The following ANXA8 variants were observed in gnomAD, a reference collection of about 807,000 sequenced individuals.
ANXA8 encodes the protein annexin A8.
Under a neutral mutation model 26.8 loss-of-function variants are expected in ANXA8, and 9 were observed. The observed-to-expected ratio is 0.34, with a 90% confidence interval of 0.20 to 0.59. The LOEUF (loss-of-function observed/expected upper bound fraction) is 0.59, where lower values mean the gene tolerates loss of function less well. Among genes scored for constraint, ANXA8 ranks in the 20% least tolerant of loss-of-function variants. The pLI, the probability that ANXA8 is intolerant of heterozygous loss-of-function variation, is 0.84. For missense variants in ANXA8, 83 were observed against 238.5 expected (o/e 0.35, Z 4.29); for synonymous variants, 39 against 94.8 (o/e 0.41, Z 3.42).
the ANXA8 span, among the ~76,000 whole-genome samples, chr10:47,738,491 T>C: frequency 6.7e-6 from 1 of 149,800 alleles, no homozygotes; most frequent in East Asian, 2.0e-4. Context: ...AAGAAGAGCA[T>C]GCTTTTTCAA....
the ANXA8 span, among the ~76,000 whole-genome samples, chr10:47,693,939 A>G: frequency 6.6e-6 from 1 of 151,900 alleles, no homozygotes; most frequent in Non-Finnish European, 1.5e-5. Context: ...TTGGAGTGTT[A>G]ACAAAATTAA....
chr10:47,529,051 C>T, the ANXA8 span, among the ~76,000 whole-genome samples: 1 of 144,246 alleles, frequency 6.9e-6, no homozygotes. Flanking sequence ...AAATAGTGCC[C>T]GTATTTCTGT....
the ANXA8 span, among the ~76,000 whole-genome samples, chr10:47,676,434 G>A: frequency 6.6e-6 from 1 of 151,832 alleles, no homozygotes; most frequent in Non-Finnish European, 1.5e-5. Flanking sequence ...GAAGATGGAA[G>A]AGATCTTACA....
At chr10:47,720,351 A>T in the ANXA8 span, among the ~76,000 whole-genome samples, 249 of 145,214 alleles carry the variant, frequency 1.7e-3, 22 homozygotes, top group African/African-American at 6.2e-3. Flanking sequence ...CCAAAATCTA[A>T]ATGCTCATAA....
rs1316727490 is a variant in ANXA8, at chr10:47,468,956, C to T, written c.925-50G>A. 153 of 1,599,518 alleles carry T rather than the reference C, an allele frequency of 9.6e-5. 1 individual carries two copies. The highest frequency in any genetic ancestry group is 7.2e-5 in the Non-Finnish European group (84 of 1,174,188). The stretch of plus-strand genomic sequence containing the variant: ...TGAGAAGGGGTTTGCTTGTGCCTGG[C>T]TCGGCAGTGGCGGCTGTGTTATTAT... On this transcript the variant is annotated intron_variant, in intron 11 of 11. Coordinates refer to ENST00000585281, the MANE Select transcript of ANXA8 (RefSeq NM_001040084.3).
chr10:47,558,403 AG>A, the ANXA8 span, among the ~76,000 whole-genome samples: 1 of 151,826 alleles, frequency 6.6e-6, no homozygotes, highest in African/African-American at 2.4e-5. Flanking sequence ...TATCTAGCTT[AG>A]CCAGCCGTGG....
At chr10:47,726,975 A>G in the ANXA8 span, 1 of 1,511,628 alleles carries the variant, frequency 6.6e-7, no homozygotes, top group Non-Finnish European at 9.2e-7. Context: ...TCAGTGTGCC[A>G]TCAAGAAGTT....
the ANXA8 span, among the ~76,000 whole-genome samples, chr10:47,705,741 GT>G: frequency 6.6e-6 from 1 of 151,968 alleles, no homozygotes; most frequent in African/African-American, 2.4e-5. Context: ...ATATTCTAAA[GT>G]TTTTTATTGA....
chr10:47,556,117 G>A, the ANXA8 span, among the ~76,000 whole-genome samples: 1 of 151,848 alleles, frequency 6.6e-6, no homozygotes, highest in African/African-American at 2.4e-5. Context: ...GGGTTATTAA[G>A]AAAAAGGATT....
chr10:47,726,622 T>C, the ANXA8 span, among the ~76,000 whole-genome samples: 33 of 152,264 alleles, frequency 2.2e-4, no homozygotes, highest in Non-Finnish European at 4.0e-4. Context: ...TAAAAATGGA[T>C]ATAGAATAAA....
chr10:47,492,382 C>G, the ANXA8 span, among the ~76,000 whole-genome samples: 1 of 147,522 alleles, frequency 6.8e-6, no homozygotes, highest in South Asian at 2.2e-4. Context: ...TATCCCCTGG[C>G]AGTCCTGGAG....
At chr10:47,944,484 AT>A in the ANXA8 span, among the ~76,000 whole-genome samples, 2 of 150,094 alleles carry the variant, frequency 1.3e-5, no homozygotes, top group East Asian at 4.1e-4. Flanking sequence ...ATCTCCTGAT[AT>A]GGTTTGGCTG....
chr10:47,762,148 C>T, the ANXA8 span, among the ~76,000 whole-genome samples: 6 of 148,718 alleles, frequency 4.0e-5, no homozygotes, highest in Non-Finnish European at 7.5e-5. Flanking sequence ...TTCTCTAACA[C>T]CCGCTCCCTC....
chr10:47,682,260 G>T, the ANXA8 span, among the ~76,000 whole-genome samples: 1 of 139,056 alleles, frequency 7.2e-6, no homozygotes, highest in African/African-American at 2.7e-5. Context: ...TAGATAAAGT[G>T]TATTAGAAGG....
At chr10:47,556,694 A>T in the ANXA8 span, among the ~76,000 whole-genome samples, 1 of 151,912 alleles carries the variant, frequency 6.6e-6, no homozygotes, top group Non-Finnish European at 1.5e-5. Flanking sequence ...GTGGTAGTCA[A>T]GGGAGTCTTC....
chr10:47,768,392 C>T, the ANXA8 span, among the ~76,000 whole-genome samples: 3 of 151,328 alleles, frequency 2.0e-5, no homozygotes, highest in East Asian at 1.9e-4. Flanking sequence ...ATTGATGTGT[C>T]GGTTAAGACA....
At chr10:47,772,578 AAT>A in the ANXA8 span, among the ~76,000 whole-genome samples, 1 of 152,072 alleles carries the variant, frequency 6.6e-6, no homozygotes, top group African/African-American at 2.4e-5. Flanking sequence ...ACGGGATTTC[AAT>A]TCCAATTTTA....
At chr10:47,914,955 AT>A in the ANXA8 span, among the ~76,000 whole-genome samples, 1 of 152,272 alleles carries the variant, frequency 6.6e-6, no homozygotes, top group African/African-American at 2.4e-5. Flanking sequence ...TGTGCTGTTG[AT>A]TTCCTAAATG....
At chr10:47,667,735 T>C in the ANXA8 span, among the ~76,000 whole-genome samples, 208 of 151,744 alleles carry the variant, frequency 1.4e-3, 4 homozygotes, top group African/African-American at 4.7e-3. Flanking sequence ...GTTTTTTTGT[T>C]TTGTTTTGTT....
Sources: allele counts gnomAD v4.1 joint callset (sites outside exome capture counted in the v4.1 genomes callset), GRCh38; gene constraint gnomAD v4.1.1; transcripts MANE v1.5; gene names NCBI Gene and HGNC (gene_info 2026-07-23, HGNC 2026-07-21).